TEX9: variants seen among roughly 807,000 people sequenced by gnomAD.
TEX9 encodes the protein testis expressed 9, also known as testis-expressed protein 9.
Under a neutral mutation model 59.6 loss-of-function variants are expected in TEX9, and 74 were observed. The ratio of observed to expected loss-of-function variants is 1.24; its 90% CI spans 1.03 to 1.51. The LOEUF is 1.51. Ranked by LOEUF, TEX9 falls within the 40% of genes most tolerant of loss-of-function variation. The probability of loss-of-function intolerance (pLI) is 0.00; values close to 1 mark genes in which losing one functional copy is unlikely to be tolerated. For synonymous variants in TEX9, 186 were observed against 152.2 expected (o/e 1.22, Z -1.64); for missense variants, 522 against 447.8 (o/e 1.17, Z -1.49).
chr15:56,265,446 T>C (rs2044358690), intron 1 of TEX9, among the ~76,000 whole-genome samples: 1 of 152,164 alleles, frequency 6.6e-6, no homozygotes, highest in African/African-American at 2.4e-5. Flanking sequence ...GTGATGGGAT[T>C]ACAGGTATAA....
chr15:56,261,616 C>T (rs1034402702), intron 1 of TEX9, among the ~76,000 whole-genome samples: 2 of 151,938 alleles, frequency 1.3e-5, no homozygotes, highest in African/African-American at 2.4e-5. Flanking sequence ...ATTCGGGAAG[C>T]TGAGGCATGG....
intron 1 of TEX9, among the ~76,000 whole-genome samples, chr15:56,266,665 T>C (rs1053782455): frequency 5.3e-5 from 8 of 152,234 alleles, no homozygotes; most frequent in Non-Finnish European, 8.8e-5. Flanking sequence ...GTCATCCTTT[T>C]TTATGGTTGC....
chr15:56,325,812 T>C (rs2141729543), intron 1 of TEX9, among the ~76,000 whole-genome samples: 1 of 152,328 alleles, frequency 6.6e-6, no homozygotes, highest in Admixed American at 6.5e-5. Flanking sequence ...TGAGAAAATT[T>C]AAGTCAACAT....
At chr15:56,276,445 C>T (rs931771323) in intron 1 of TEX9, among the ~76,000 whole-genome samples, 34 of 151,968 alleles carry the variant, frequency 2.2e-4, no homozygotes, top group African/African-American at 7.0e-4. Context: ...TTTCTGTTCC[C>T]GTGTTAGTTT....
At chr15:56,310,238 C>G (rs1429915961) in intron 1 of TEX9, among the ~76,000 whole-genome samples, 3 of 152,118 alleles carry the variant, frequency 2.0e-5, no homozygotes, top group Non-Finnish European at 4.4e-5. Flanking sequence ...TCAAGACCAG[C>G]CTGACCAACA....
chr15:56,385,558 A>G (rs2047922925), intron 4 of TEX9, among the ~76,000 whole-genome samples: 1 of 152,138 alleles, frequency 6.6e-6, no homozygotes, highest in Non-Finnish European at 1.5e-5. Context: ...CCATTTTTAA[A>G]TTGAGAAAGA....
rs146013771 is a variant in TEX9 at position 56,289,814 on chromosome 15, C to T, written c.-107+45536C>T. Among the ~76,000 whole-genome samples the T allele has an allele frequency of 1.8e-3, 278 of 152,182 alleles. 1 individual carries two copies. The highest frequency in any genetic ancestry group is 6.5e-3 in the African/African-American group (268 of 41,500). Reference sequence around the variant, plus strand: ...TCTAGGGTGGTAATGGCATTGGTGCCCAGGGAGCAGGCACCCCTGCCACCT... The same window carrying T: ...TCTAGGGTGGTAATGGCATTGGTGCTCAGGGAGCAGGCACCCCTGCCACCT... On this transcript the variant is annotated intron_variant, in intron 1 of 5. Transcript: ENST00000560827.
chr15:56,371,977 G>A (rs1349945359), intron 2 of TEX9, among the ~76,000 whole-genome samples: 11 of 152,164 alleles, frequency 7.2e-5, no homozygotes, highest in Non-Finnish European at 1.6e-4. Flanking sequence ...TTCTGTTCCT[G>A]TTTGTTGCTC....
intron 3 of TEX9, among the ~76,000 whole-genome samples, chr15:56,381,842 C>T (rs1370361858): frequency 6.6e-6 from 1 of 152,132 alleles, no homozygotes; most frequent in Non-Finnish European, 1.5e-5. Flanking sequence ...CCACAACCTG[C>T]TATAAACACT....
At chr15:56,444,524 C>CA in intron 12 of TEX9, 2 of 1,511,610 alleles carry the variant, frequency 1.3e-6, no homozygotes, top group Non-Finnish European at 1.8e-6. Flanking sequence ...AAGCTTCCTG[C>CA]TTTTTTTTTT....
intron 12 of TEX9, among the ~76,000 whole-genome samples, chr15:56,435,474 G>A (rs982780881): frequency 2.6e-5 from 4 of 151,652 alleles, no homozygotes; most frequent in African/African-American, 9.7e-5. Flanking sequence ...CTAATATCAG[G>A]AATAAAACAT....
At chr15:56,434,312 T>C (rs898692591) in intron 12 of TEX9, 6 of 1,613,892 alleles carry the variant, frequency 3.7e-6, no homozygotes, top group East Asian at 4.5e-5. Flanking sequence ...TTGCAGCCTG[T>C]AGCACTAATT....
chr15:56,280,225 T>C (rs904267120), intron 1 of TEX9, among the ~76,000 whole-genome samples: 3 of 152,212 alleles, frequency 2.0e-5, no homozygotes, highest in Non-Finnish European at 4.4e-5. Context: ...GAGGAACATC[T>C]ATATAAATAT....
At chr15:56,314,536 C>T (rs1297719488) in intron 1 of TEX9, among the ~76,000 whole-genome samples, 25 of 148,706 alleles carry the variant, frequency 1.7e-4, no homozygotes. Flanking sequence ...AATTTCTGTT[C>T]TTTTACATTT....
intron 1 of TEX9, among the ~76,000 whole-genome samples, chr15:56,329,602 A>T (rs1036337883): frequency 9.2e-5 from 14 of 151,626 alleles, no homozygotes; most frequent in African/African-American, 2.4e-4. Context: ...GGAAATAGTT[A>T]AAAAAAATCA....
intron 1 of TEX9, among the ~76,000 whole-genome samples, chr15:56,302,630 GA>G (rs1209958837): frequency 6.6e-6 from 1 of 152,066 alleles, no homozygotes; most frequent in African/African-American, 2.4e-5. Context: ...AAGAAAGGAA[GA>G]AAAGAAGGAA....
intron 1 of TEX9, among the ~76,000 whole-genome samples, chr15:56,326,432 T>C (rs549055647): frequency 6.6e-6 from 1 of 152,296 alleles, no homozygotes; most frequent in African/African-American, 2.4e-5. Context: ...TATCATCTAA[T>C]TTATAAAACA....
At chr15:56,408,520 C>G (rs1181597747) in intron 9 of TEX9, 2 of 152,134 alleles carry the variant, frequency 1.3e-5, no homozygotes, top group Non-Finnish European at 2.9e-5. Context: ...ATACGTTGAT[C>G]ATCCTCACAT....
chr15:56,444,783 T>G (rs1234784295), intron 12 of TEX9: 6 of 991,006 alleles, frequency 6.1e-6, no homozygotes, highest in East Asian at 5.1e-5. Flanking sequence ...ATAAAATAAA[T>G]TTTTTCATCT....
Sources: allele counts gnomAD v4.1 joint callset (sites outside exome capture counted in the v4.1 genomes callset), GRCh38; gene constraint gnomAD v4.1.1; transcripts MANE v1.5; gene names NCBI Gene and HGNC (gene_info 2026-07-23, HGNC 2026-07-21).